The following TCF7L1 variants were observed in gnomAD, a reference collection of about 807,000 sequenced individuals.
TCF7L1 encodes the protein transcription factor 7-like 1.
A neutral mutation model predicts 63.7 loss-of-function variants in TCF7L1; 18 were observed. That is an observed-to-expected ratio of 0.28 (90% confidence interval 0.20 to 0.42). The LOEUF is 0.42. Among genes scored for constraint, TCF7L1 ranks in the 10% least tolerant of loss-of-function variants. TCF7L1 has a pLI of 1.00. For missense variants in TCF7L1, 654 were observed against 779.3 expected (o/e 0.84, Z 1.91); for synonymous variants, 355 against 340.9 (o/e 1.04, Z -0.46).
chr2:85,262,687 G>A (rs970462332), intron 3 of TCF7L1, among the ~76,000 whole-genome samples: 2 of 152,186 alleles, frequency 1.3e-5, no homozygotes, highest in African/African-American at 4.8e-5. Context: ...GGGATACCCA[G>A]GAACTCACAG....
At chr2:85,184,448 G>A (rs1455540257) in intron 3 of TCF7L1, among the ~76,000 whole-genome samples, 1 of 152,160 alleles carries the variant, frequency 6.6e-6, no homozygotes, top group South Asian at 2.1e-4. Flanking sequence ...TTGGGTATTG[G>A]AGGAGAATGA....
chr2:85,299,408 C>T (rs546955838), intron 4 of TCF7L1, among the ~76,000 whole-genome samples: 6 of 151,314 alleles, frequency 4.0e-5, no homozygotes, highest in East Asian at 2.0e-4. Flanking sequence ...AAAAATTAGC[C>T]GGACATGGTG....
At chr2:85,307,810 C>A in intron 11 of TCF7L1, 93 bp downstream of exon 11, 1 of 1,177,728 alleles carries the variant, frequency 8.5e-7, no homozygotes, top group Non-Finnish European at 1.3e-6. Context: ...TGGGTCAGGG[C>A]TTCTGCCTCG....
chr2:85,179,726 C>T lies in TCF7L1; in HGVS notation c.441+45276C>T, dbSNP rs147567563. Among the ~76,000 whole-genome samples the T allele has an allele frequency of 6.7e-3, 1,017 of 151,418 alleles. 12 individuals carry two copies. The highest frequency in any genetic ancestry group is 0.023 in the African/African-American group (954 of 41,034). On this transcript the variant is annotated intron_variant, in intron 3 of 11. Coordinates refer to ENST00000282111, the MANE Select transcript of TCF7L1 (RefSeq NM_031283.3). ...TAGAACAGGGCTGAGTGGGCTGGTA[C>T]GGGGAGGGCCCTGCTGTGGTGTTGG... is the stretch of plus-strand genomic sequence containing the variant.
intron 3 of TCF7L1, among the ~76,000 whole-genome samples, chr2:85,187,810 A>T (rs1678958250): frequency 6.6e-6 from 1 of 152,152 alleles, no homozygotes; most frequent in Non-Finnish European, 1.5e-5. Flanking sequence ...CCTTTCTCTT[A>T]TGTTCACAAG....
chr2:85,176,883 A>T lies in TCF7L1; in HGVS notation c.441+42433A>T, dbSNP rs143747651. Among the ~76,000 whole-genome samples, 45 of 150,076 alleles carry T rather than the reference A, an allele frequency of 3.0e-4. No homozygotes were observed. In the East Asian group the frequency reaches 7.3e-3, roughly 24 times the overall value. ...GCACCTGTAATCCAAGCTACTCAGGAGGCTGAGGCAGGAGAATCGCTTAAA... is the reference window on the plus strand; with the variant it reads ...GCACCTGTAATCCAAGCTACTCAGGTGGCTGAGGCAGGAGAATCGCTTAAA... On this transcript the variant is annotated intron_variant, in intron 3 of 11. Transcript: ENST00000282111.
At chr2:85,143,803 A>G (rs1193059456) in intron 3 of TCF7L1, among the ~76,000 whole-genome samples, 1 of 152,186 alleles carries the variant, frequency 6.6e-6, no homozygotes, top group Non-Finnish European at 1.5e-5. Context: ...GGGTGGATAG[A>G]TTTGTTCCAA....
intron 3 of TCF7L1, among the ~76,000 whole-genome samples, chr2:85,212,356 C>T (rs1010824701): frequency 3.9e-5 from 6 of 152,152 alleles, no homozygotes; most frequent in Non-Finnish European, 7.3e-5. Context: ...GCAGTACCTG[C>T]GTCCTGATCT....
chr2:85,231,340 C>T (rs1680073444), intron 3 of TCF7L1, among the ~76,000 whole-genome samples: 1 of 152,220 alleles, frequency 6.6e-6, no homozygotes, highest in Non-Finnish European at 1.5e-5. Context: ...AGAACCACTT[C>T]ACATCTGAGA....
At chr2:85,290,769 T>G (rs1166637777) in intron 4 of TCF7L1, among the ~76,000 whole-genome samples, 3 of 152,228 alleles carry the variant, frequency 2.0e-5, no homozygotes, top group Non-Finnish European at 4.4e-5. Flanking sequence ...GCTGGCAGGC[T>G]GGAGACTGGC....
chr2:85,202,841 T>C (rs1348672002), intron 3 of TCF7L1, among the ~76,000 whole-genome samples: 1 of 152,118 alleles, frequency 6.6e-6, no homozygotes, highest in Non-Finnish European at 1.5e-5. Flanking sequence ...GAACTCTTTT[T>C]CTTTTTTTTT....
intron 4 of TCF7L1, among the ~76,000 whole-genome samples, chr2:85,294,331 T>C (rs550680749): frequency 6.7e-3 from 1,020 of 151,682 alleles, no homozygotes; most frequent in South Asian, 0.01. Context: ...CCACCACGCC[T>C]GGCCGAGCAT....
chr2:85,201,530 A>G (rs560661465), intron 3 of TCF7L1, among the ~76,000 whole-genome samples: 12 of 152,358 alleles, frequency 7.9e-5, no homozygotes, highest in South Asian at 4.1e-4. Context: ...TCTCCAAAAA[A>G]TGTTCCAATA....
chr2:85,194,384 C>T (rs1243815005), intron 3 of TCF7L1, among the ~76,000 whole-genome samples: 2 of 152,070 alleles, frequency 1.3e-5, no homozygotes, highest in East Asian at 3.8e-4. Flanking sequence ...CAAAAATTAG[C>T]CGGGTGTGGT....
intron 3 of TCF7L1, chr2:85,233,976 T>C (rs536189375): frequency 6.6e-6 from 1 of 152,236 alleles, no homozygotes; most frequent in African/African-American, 2.4e-5. Flanking sequence ...CTGAAGAACA[T>C]TTGGATTGTT....
At chr2:85,291,131 C>T (rs1036680564) in intron 4 of TCF7L1, among the ~76,000 whole-genome samples, 1 of 152,196 alleles carries the variant, frequency 6.6e-6, no homozygotes, top group South Asian at 2.1e-4. Flanking sequence ...TGCTTCACAG[C>T]CCCAGTCTCA....
chr2:85,299,903 A>ACT (rs1681931472), intron 4 of TCF7L1, among the ~76,000 whole-genome samples: 1 of 150,146 alleles, frequency 6.7e-6, no homozygotes, highest in African/African-American at 2.5e-5. Flanking sequence ...ACACACACAC[A>ACT]CTGATGCCCA....
rs112977327 is a variant in TCF7L1 at position 85,188,691 on chromosome 2, G to A, written c.441+54241G>A. On this transcript the variant is annotated intron_variant, in intron 3 of 11. Transcript: ENST00000282111. The stretch of plus-strand genomic sequence containing the variant: ...TGTTTTTCCCTGTCCTTTATTATGT[G>A]TTTGAATCATTCCATTATTTAAAAA... Among the ~76,000 whole-genome samples the A allele has an allele frequency of 4.8e-3, 738 of 152,264 alleles. 6 individuals carry two copies. Among genetic ancestry groups the A allele is most frequent in the African/African-American group, 0.017 (687 of 41,550 alleles).
intron 3 of TCF7L1, among the ~76,000 whole-genome samples, chr2:85,164,557 A>G (rs1037797990): frequency 2.6e-5 from 4 of 152,180 alleles, no homozygotes; most frequent in African/African-American, 9.7e-5. Flanking sequence ...TTCTGTATCA[A>G]CCGCTGGGGT....
Sources: allele counts gnomAD v4.1 joint callset (sites outside exome capture counted in the v4.1 genomes callset), GRCh38; gene constraint gnomAD v4.1.1; transcripts MANE v1.5; gene names NCBI Gene and HGNC (gene_info 2026-07-23, HGNC 2026-07-21).